Variants in IGSF21 observed in about 807,000 individuals in gnomAD.
IGSF21 encodes the protein immunoglobulin superfamily member 21.
Under a neutral mutation model 46.8 loss-of-function variants are expected in IGSF21, and 28 were observed. The observed-to-expected ratio is 0.60, with a 90% CI of 0.44 to 0.82. The LOEUF (loss-of-function observed/expected upper bound fraction) is 0.82, where lower values mean the gene tolerates loss of function less well. Ranked by LOEUF, IGSF21 falls within the 40% of genes least tolerant of loss-of-function variation. The pLI is 0.00. For synonymous variants in IGSF21, 284 were observed against 273.6 expected (o/e 1.04, Z -0.38); for missense variants, 624 against 665.5 (o/e 0.94, Z 0.69).
At chr1:18,130,149 T>C (rs1190820387) in intron 1 of IGSF21, among the ~76,000 whole-genome samples, 2 of 152,158 alleles carry the variant, frequency 1.3e-5, no homozygotes, top group Non-Finnish European at 2.9e-5. Context: ...CCTTCTGCTC[T>C]AAGCACTGGA....
chr1:18,230,262 C>T lies in IGSF21; in HGVS notation c.183+2252C>T, dbSNP rs539371600. 7.9e-5 allele frequency among the ~76,000 whole-genome samples: 12 copies of T among 152,258 alleles called. No homozygotes were observed. The East Asian group carries it at 1.7e-3, about 22-fold the overall frequency. ...ATGTCCTGGGCTGGACAGAGACTCT[C>T]CTTTTTCTTCGCCATCCTCCGGTAG... is the stretch of plus-strand genomic sequence containing the variant. On this transcript the variant is annotated intron_variant, in intron 2 of 9. Transcript: ENST00000251296.
intron 2 of IGSF21, among the ~76,000 whole-genome samples, chr1:18,288,723 T>A (rs1359015324): frequency 6.6e-6 from 1 of 152,180 alleles, no homozygotes; most frequent in Admixed American, 6.5e-5. Flanking sequence ...TGTCTGAGCC[T>A]CCCATTTCCT....
intron 1 of IGSF21, among the ~76,000 whole-genome samples, chr1:18,219,841 T>C (rs1410915123): frequency 6.6e-6 from 1 of 152,150 alleles, no homozygotes; most frequent in African/African-American, 2.4e-5. Flanking sequence ...GTGTGAAGTT[T>C]CCTGGCTAAT....
At chr1:18,270,970 C>T (rs1385005340) in intron 2 of IGSF21, among the ~76,000 whole-genome samples, 2 of 152,192 alleles carry the variant, frequency 1.3e-5, no homozygotes, top group African/African-American at 4.8e-5. Flanking sequence ...TTTCAGGCTT[C>T]ACTTAGTGGG....
intron 1 of IGSF21, among the ~76,000 whole-genome samples, chr1:18,144,458 C>A (rs2086448057): frequency 6.6e-6 from 1 of 152,206 alleles, no homozygotes; most frequent in African/African-American, 2.4e-5. Context: ...TTGGGCTCTG[C>A]CCCTGACCCT....
intron 1 of IGSF21, among the ~76,000 whole-genome samples, chr1:18,129,765 T>C (rs186532792): frequency 4.6e-4 from 70 of 152,334 alleles, no homozygotes; most frequent in African/African-American, 1.6e-3. Flanking sequence ...TGAAATTTAA[T>C]TGCCATTGTA....
intron 6 of IGSF21, among the ~76,000 whole-genome samples, chr1:18,367,607 T>TTTTTTTTTTTTTTG (rs2086180387): frequency 7.9e-6 from 1 of 126,478 alleles, no homozygotes; most frequent in South Asian, 2.9e-4. Flanking sequence ...CTCTCTCTTT[T>TTTTTTTTTTTTTTG]TTTTTTTTTT....
chr1:18,360,835 T>C (rs2086092352), intron 4 of IGSF21, among the ~76,000 whole-genome samples: 1 of 152,322 alleles, frequency 6.6e-6, no homozygotes, highest in Admixed American at 6.5e-5. Flanking sequence ...AGTATTAATA[T>C]TATTCCCATT....
At position 18,373,258 on chromosome 1, in the gene IGSF21, C is replaced by T. The variant is rs1178073067; in HGVS notation, c.1016-3052C>T. Among the ~76,000 whole-genome samples the T allele has an allele frequency of 2.0e-5, 3 of 152,342 alleles. No individual in the cohort carries two copies. The East Asian group carries it at 5.8e-4, about 29-fold the overall frequency. ...TAGGTGTCAATCCTGGGTCTCTGGA[C>T]TCCTGCTCTTTCTCTACGTCCAGGG... On this transcript the variant is annotated intron_variant, in intron 6 of 9. Coordinates refer to ENST00000251296, the MANE Select transcript of IGSF21 (RefSeq NM_032880.5).
At chr1:18,170,731 A>G (rs914925367) in intron 1 of IGSF21, among the ~76,000 whole-genome samples, 1 of 151,916 alleles carries the variant, frequency 6.6e-6, no homozygotes, top group Non-Finnish European at 1.5e-5. Flanking sequence ...TTTAAAGCAC[A>G]CTGCTATCCC....
At chr1:18,190,578 T>C (rs10752432) in intron 1 of IGSF21, among the ~76,000 whole-genome samples, 23,849 of 152,178 alleles carry the variant, frequency 0.16, 2,230 homozygotes, top group Admixed American at 0.32. Context: ...GATAAGCCTG[T>C]CTTATGGGTC....
At position 18,225,085 on chromosome 1, in the gene IGSF21, T is replaced by TCTCTCTCTCTCTCTCTCACACA; in HGVS notation, c.71-2812_71-2811insTCTCTCTCTCTCTCTCACACAC. ...GTATCTCTCTCTCTCTCTCTCTCTC[T>TCTCTCTCTCTCTCTCTCACACA]CACACACACACACACACACACACAC... On this transcript the variant is annotated intron_variant, in intron 1 of 9. Transcript: ENST00000251296. 7.6e-3 allele frequency among the ~76,000 whole-genome samples: 392 copies of TCTCTCTCTCTCTCTCTCACACA among 51,538 alleles called. 8 individuals carry two copies. Among genetic ancestry groups the TCTCTCTCTCTCTCTCTCACACA allele is most frequent in the African/African-American group, 0.017 (245 of 14,160 alleles). The allele number at this position is 51,538 out of a possible 152,430, so 33.8% of individuals were successfully genotyped here. A position where few individuals can be genotyped will look rare whatever the true frequency, so the allele number is the denominator to read the frequency against.
chr1:18,242,769 T>C (rs992026139), intron 2 of IGSF21, among the ~76,000 whole-genome samples: 1 of 152,200 alleles, frequency 6.6e-6, no homozygotes, highest in African/African-American at 2.4e-5. Flanking sequence ...TAGGGAAGTC[T>C]CCAGTTTATT....
chr1:18,158,357 G>C (rs568726273), intron 1 of IGSF21, among the ~76,000 whole-genome samples: 2 of 152,204 alleles, frequency 1.3e-5, no homozygotes, highest in Non-Finnish European at 2.9e-5. Flanking sequence ...GCAAATCAGC[G>C]AGGTAAGAGG....
intron 1 of IGSF21, among the ~76,000 whole-genome samples, chr1:18,166,217 T>A (rs1482567715): frequency 6.6e-6 from 1 of 152,146 alleles, no homozygotes; most frequent in Non-Finnish European, 1.5e-5. Flanking sequence ...TTAAAAAAAA[T>A]TTTACCTTGT....
intron 2 of IGSF21, among the ~76,000 whole-genome samples, chr1:18,280,589 T>C (rs2085149364): frequency 6.6e-6 from 1 of 152,174 alleles, no homozygotes; most frequent in Non-Finnish European, 1.5e-5. Flanking sequence ...CCACCCTAGA[T>C]GGTGGTGCTA....
chr1:18,196,893 A>G (rs1214583119), intron 1 of IGSF21, among the ~76,000 whole-genome samples: 1 of 152,090 alleles, frequency 6.6e-6, no homozygotes, highest in Non-Finnish European at 1.5e-5. Flanking sequence ...CCACAGAGAC[A>G]AGTGGGGGAG....
intron 1 of IGSF21, among the ~76,000 whole-genome samples, chr1:18,206,411 T>G (rs2084328424): frequency 6.6e-6 from 1 of 151,822 alleles, no homozygotes; most frequent in Admixed American, 6.6e-5. Flanking sequence ...TAATTGGGTG[T>G]GGTGGTGCAT....
intron 3 of IGSF21, among the ~76,000 whole-genome samples, chr1:18,325,360 G>A (rs2085647247): frequency 1.3e-5 from 2 of 152,188 alleles, no homozygotes; most frequent in African/African-American, 4.8e-5. Flanking sequence ...AGACCACCCA[G>A]TGTGTCTGCG....
Sources: allele counts gnomAD v4.1 joint callset (sites outside exome capture counted in the v4.1 genomes callset), GRCh38; gene constraint gnomAD v4.1.1; transcripts MANE v1.5; gene names NCBI Gene and HGNC (gene_info 2026-07-23, HGNC 2026-07-21).